Variants in HERC2 observed in about 807,000 individuals in gnomAD.
The protein encoded by HERC2 is E3 ubiquitin-protein ligase HERC2.
In HERC2, 102 loss-of-function variants were observed where a neutral mutation model predicts 537.7. That is an observed-to-expected ratio of 0.19 (90% CI 0.16 to 0.22). The LOEUF is 0.22. Ranked by LOEUF, HERC2 falls within the 10% of genes least tolerant of loss-of-function variation. HERC2 has a pLI of 1.00. For missense variants in HERC2, 4,236 were observed against 6,198.2 expected (o/e 0.68, Z 10.63); for synonymous variants, 2,224 against 2,466.2 (o/e 0.90, Z 2.91).
chr15:28,316,812 C>T (rs1470282527), intron 2 of HERC2, among the ~76,000 whole-genome samples: 1 of 152,190 alleles, frequency 6.6e-6, no homozygotes, highest in African/African-American at 2.4e-5. Flanking sequence ...GATTCTCGCT[C>T]TCTCACCAGG....
intron 30 of HERC2, among the ~76,000 whole-genome samples, chr15:28,232,263 C>A (rs1356930701): frequency 6.6e-6 from 1 of 152,142 alleles, no homozygotes; most frequent in Non-Finnish European, 1.5e-5. Context: ...TGATCAGAGG[C>A]CAGGCGCGGT....
Position 28,113,243 on chromosome 15 carries a change from G to C in HERC2, c.14060C>G (p.Ser4687Trp), listed in dbSNP as rs772969358. ...CTCGATGCCTTTATAGGTGGCCACC[G>C]ACTTGAGAAGGTGCAGCGGGATGTC... is the stretch of plus-strand genomic sequence containing the variant. Reference protein sequence around the residue: ...SPDIPLHLLKSVATYKGIEPS... With the variant: ...SPDIPLHLLKWVATYKGIEPS... Residue 4687 changes from serine to tryptophan, a missense_variant, in exon 92 of 93, where the codon TCG (serine) becomes TGG (tryptophan). Ser to Trp is a radical substitution (Grantham distance 177). Transcript: ENST00000261609. This position sits in a 1 kb window ranked among gnomAD's most constrained non-coding sequence, Gnocchi z 7.0. 1 of 1,614,146 alleles carries C rather than the reference G, an allele frequency of 6.2e-7. No individual in the cohort carries two copies. The highest frequency in any genetic ancestry group is 8.5e-7 in the Non-Finnish European group (1 of 1,180,042).
At chr15:28,195,724 G>A (rs956642941) in intron 52 of HERC2, among the ~76,000 whole-genome samples, 9 of 152,050 alleles carry the variant, frequency 5.9e-5, no homozygotes, top group South Asian at 2.1e-4. Context: ...GTTTCTGATC[G>A]GAGTGGTGAA....
intron 55 of HERC2, 23 bp from the exon 56 acceptor site, chr15:28,186,775 A>G: frequency 6.3e-7 from 1 of 1,580,402 alleles, no homozygotes; most frequent in South Asian, 1.1e-5. Context: ...ACCATGATCT[A>G]TAGACTCTGT....
At chr15:28,221,496 T>A (rs571702618) in intron 36 of HERC2, among the ~76,000 whole-genome samples, 32 of 145,314 alleles carry the variant, frequency 2.2e-4, no homozygotes, top group African/African-American at 8.0e-4. Context: ...CATGGGAAGG[T>A]GAACACTGCC....
intron 20 of HERC2, among the ~76,000 whole-genome samples, chr15:28,251,519 G>A (rs1236582127): frequency 2.6e-5 from 4 of 151,416 alleles, no homozygotes; most frequent in East Asian, 3.9e-4. Flanking sequence ...TTTTAATAAT[G>A]GCCAGGCGCG....
chr15:28,239,040 T>C lies in HERC2; in HGVS notation c.3578-268A>G, dbSNP rs941097881. On this transcript the variant is annotated intron_variant, in intron 23 of 92. Coordinates refer to ENST00000261609, the MANE Select transcript of HERC2 (RefSeq NM_004667.6). ...AACAGATTTCAAAGAAATAAACTTA[T>C]AGAGCATGTGTGCTGACTACAATGC... 3.9e-5 allele frequency among the ~76,000 whole-genome samples: 6 copies of C among 152,308 alleles called. No individual in the cohort carries two copies. In the East Asian group the frequency reaches 7.7e-4, roughly 20 times the overall value.
chr15:28,179,770 G>A (rs753814832), intron 57 of HERC2, among the ~76,000 whole-genome samples: 2 of 152,182 alleles, frequency 1.3e-5, no homozygotes, highest in Non-Finnish European at 2.9e-5. Context: ...GTATGTGTTT[G>A]GGTCTTAGTT....
At position 28,113,574 on chromosome 15, in the gene HERC2, A is replaced by G; in HGVS notation, c.14018T>C (p.Met4673Thr). ...AGCCCCACCTGGGGGTCGGCATACC[A>G]TCGTCTCCAGTTCGTAGCCGGTGAA... ...SLFTGYELET[M>T]VCGSPDIPLH... The change falls in exon 91 of 93, where the codon ATG (methionine) becomes ACG (threonine). Residue 4673 changes from methionine to threonine, a missense_variant and splice_region_variant. Physicochemically the swap from Met to Thr is moderately conservative, Grantham distance 81 (BLOSUM62 -1). Transcript: ENST00000261609. The surrounding 1 kb of genome is among the most constrained non-coding windows in gnomAD (Gnocchi z 7.0). The G allele has an allele frequency of 1.9e-6, 3 of 1,613,828 alleles. No homozygotes were observed. The highest frequency in any genetic ancestry group is 2.5e-6 in the Non-Finnish European group (3 of 1,179,770).
At chr15:28,313,232 C>T (rs1441706280) in intron 2 of HERC2, among the ~76,000 whole-genome samples, 21 of 144,244 alleles carry the variant, frequency 1.5e-4, no homozygotes, top group African/African-American at 4.8e-4. Flanking sequence ...CTTGCTCTGT[C>T]GCCCAGGCTG....
At chr15:28,169,235 C>T (rs962427375) in intron 66 of HERC2, among the ~76,000 whole-genome samples, 20 of 152,132 alleles carry the variant, frequency 1.3e-4, no homozygotes, top group African/African-American at 4.6e-4. Context: ...ATTGATGGTT[C>T]GAGTCTACTG....
intron 89 of HERC2, 115 bp downstream of exon 89, chr15:28,115,314 T>C (rs906904178): frequency 1.8e-6 from 1 of 563,674 alleles, no homozygotes; most frequent in African/African-American, 1.9e-5. Flanking sequence ...CAACAGCCTC[T>C]GCGTCACCTG....
Position 28,248,326 on chromosome 15 carries a change from T to C in HERC2, c.3235+226A>G, listed in dbSNP as rs16950930. ...AACTGAACATACAGGATGCTATTACTGATGTCTAAAGAATTTAAATATTAA... is the reference window on the plus strand; with the variant it reads ...AACTGAACATACAGGATGCTATTACCGATGTCTAAAGAATTTAAATATTAA... On this transcript the variant is annotated intron_variant, in intron 21 of 92. Transcript: ENST00000261609. 0.08 allele frequency among the ~76,000 whole-genome samples: 12,197 copies of C among 152,210 alleles called. 1,671 individuals are homozygous for C. The highest frequency in any genetic ancestry group is 0.28 in the African/African-American group (11,656 of 41,452).
At chr15:28,279,872 C>T (rs1208732699) in intron 5 of HERC2, among the ~76,000 whole-genome samples, 196 bp downstream of exon 5, 1 of 152,142 alleles carries the variant, frequency 6.6e-6, no homozygotes, top group Non-Finnish European at 1.5e-5. Flanking sequence ...ACAGATTACA[C>T]AGCATGGTCT....
At chr15:28,163,547 G>T (rs530413129) in intron 68 of HERC2, among the ~76,000 whole-genome samples, 1 of 152,172 alleles carries the variant, frequency 6.6e-6, no homozygotes, top group Non-Finnish European at 1.5e-5. Context: ...ATAAAGAAAT[G>T]ACAATTTATT....
chr15:28,120,234 C>T (rs769505604), intron 86 of HERC2, among the ~76,000 whole-genome samples: 21 of 152,228 alleles, frequency 1.4e-4, no homozygotes, highest in Non-Finnish European at 2.4e-4. Context: ...AACACTCTGA[C>T]GTCAGTGAAG....
intron 4 of HERC2, among the ~76,000 whole-genome samples, chr15:28,281,899 T>C (rs1364537142): frequency 6.6e-6 from 1 of 152,022 alleles, no homozygotes. Flanking sequence ...ATCTCCCTTC[T>C]GCTTGGCTGC....
At chr15:28,128,034 G>A (rs1332173662) in intron 83 of HERC2, among the ~76,000 whole-genome samples, 1 of 152,160 alleles carries the variant, frequency 6.6e-6, no homozygotes. Flanking sequence ...CAGACAAACT[G>A]CATGTCACCT....
chr15:28,310,057 C>CA (rs2076898063), intron 2 of HERC2, among the ~76,000 whole-genome samples: 3 of 152,152 alleles, frequency 2.0e-5, no homozygotes. Context: ...CTAATCCCAG[C>CA]ACCTTGGAAG....
Sources: gnomAD v4.1 joint callset for allele counts (sites outside exome capture counted in the v4.1 genomes callset) on GRCh38, gnomAD v4.1.1 for gene constraint, Gnocchi (gnomAD v3.1) non-coding constraint, MANE v1.5 for transcripts, NCBI Gene and HGNC (gene_info 2026-07-23, HGNC 2026-07-21) for gene names.